The following ZNF8 variants were observed in gnomAD, a reference collection of about 807,000 sequenced individuals.
The protein encoded by ZNF8 is zinc finger protein 8.
In ZNF8, 9 loss-of-function variants were observed where a neutral mutation model predicts 12.2. That is an observed-to-expected ratio of 0.73 (90% confidence interval 0.44 to 1.28). The LOEUF (loss-of-function observed/expected upper bound fraction) is 1.28. Ranked by LOEUF, ZNF8 falls within the 50% of genes most tolerant of loss-of-function variation. The probability of loss-of-function intolerance (pLI) is 0.00; values close to 1 mark genes in which losing one functional copy is unlikely to be tolerated. For synonymous variants in ZNF8, 274 were observed against 282.3 expected (o/e 0.97, Z 0.30); for missense variants, 664 against 729.1 (o/e 0.91, Z 1.03).
Position 58,300,397 on chromosome 19 carries a change from G to A in ZNF8, c.*4861G>A, listed in dbSNP as rs1350095280. The A allele has an allele frequency of 6.6e-6, 1 of 152,278 alleles. No individual in the cohort carries two copies. The highest frequency in any genetic ancestry group is 1.5e-5 in the Non-Finnish European group (1 of 68,068). 9.4% of individuals were successfully genotyped at this position (152,278 alleles called of 1,614,324 possible). A position where few individuals can be genotyped will look rare whatever the true frequency, so the allele number is the denominator to read the frequency against. ...CATCCACAGTGAAGACTGAAAGAAG[G>A]GGGAATGGGCAGGCCAACACTTACC... On this transcript the variant is annotated 3_prime_UTR_variant, in exon 4 of 4. Transcript: ENST00000621650.
chr19:58,279,172 G>T, intron 1 of ZNF8, 25 bp downstream of exon 1: 1 of 1,549,368 alleles, frequency 6.5e-7, no homozygotes, highest in Non-Finnish European at 8.7e-7. Flanking sequence ...AATAACGACG[G>T]CGGCGGGCTC....
intron 1 of ZNF8, chr19:58,279,454 C>T: frequency 6.9e-7 from 1 of 1,453,460 alleles, no homozygotes; most frequent in Non-Finnish European, 9.0e-7. Flanking sequence ...TCCGCCCCGC[C>T]GACACCCTTG....
intron 3 of ZNF8, chr19:58,286,812 T>C (rs1426850926): frequency 6.6e-6 from 1 of 152,448 alleles, no homozygotes; most frequent in Admixed American, 6.5e-5. Context: ...CAGTGCTCCA[T>C]AGCCTTCTCA....
chr19:58,290,108 C>A (rs1430171368), intron 3 of ZNF8, among the ~76,000 whole-genome samples: 2 of 73,432 alleles, frequency 2.7e-5, no homozygotes, highest in African/African-American at 5.8e-5. Flanking sequence ...TTTCAAGATT[C>A]TTTTTTTTTT....
chr19:58,279,191 C>T (rs1455189034), intron 1 of ZNF8, 44 bp downstream of exon 1: 2 of 1,542,130 alleles, frequency 1.3e-6, no homozygotes, highest in Non-Finnish European at 8.7e-7. Flanking sequence ...TCCGGGCAAG[C>T]GTCTCCCGCG....
intron 3 of ZNF8, among the ~76,000 whole-genome samples, chr19:58,289,703 T>TA: frequency 6.6e-6 from 1 of 152,082 alleles, no homozygotes; most frequent in East Asian, 1.9e-4. Flanking sequence ...CCATTTCCAT[T>TA]ATCACAACCG....
chr19:58,292,728 C>A (rs1372853894), intron 3 of ZNF8, among the ~76,000 whole-genome samples: 5 of 152,178 alleles, frequency 3.3e-5, no homozygotes, highest in Non-Finnish European at 5.9e-5. Flanking sequence ...TCCGGCTTAT[C>A]CATGTTGTAG....
At chr19:58,283,412 T>A (rs2051362429) in intron 1 of ZNF8, among the ~76,000 whole-genome samples, 1 of 152,068 alleles carries the variant, frequency 6.6e-6, no homozygotes, top group African/African-American at 2.4e-5. Context: ...TAGATAAGGT[T>A]ATCAGGATTG....
intron 3 of ZNF8, among the ~76,000 whole-genome samples, chr19:58,287,026 T>C (rs1464065777): frequency 2.6e-5 from 4 of 152,268 alleles, no homozygotes; most frequent in Admixed American, 2.6e-4. Flanking sequence ...CATTCTTGCA[T>C]GTCCAGATTC....
chr19:58,284,318 T>C (rs573756852), intron 1 of ZNF8, among the ~76,000 whole-genome samples: 2 of 152,336 alleles, frequency 1.3e-5, no homozygotes, highest in South Asian at 2.1e-4. Flanking sequence ...CTCTTTTCCA[T>C]GTGGCTATCC....
At chr19:58,292,140 C>G (rs1352443158) in intron 3 of ZNF8, among the ~76,000 whole-genome samples, 1 of 152,134 alleles carries the variant, frequency 6.6e-6, no homozygotes, top group Non-Finnish European at 1.5e-5. Context: ...TAAAATGTAC[C>G]ACTCAGCGGT....
rs1166046916 is a variant in ZNF8 at position 58,299,718 on chromosome 19, G to A, written c.*4182G>A. On this transcript the variant is annotated 3_prime_UTR_variant, in exon 4 of 4. Transcript: ENST00000621650. Reference sequence around the variant, plus strand: ...TGGGAGGCAGAGCTTGCAGTGAGCTGAGATAGTGCCTCTGCACTCCAGCCT... The same window carrying A: ...TGGGAGGCAGAGCTTGCAGTGAGCTAAGATAGTGCCTCTGCACTCCAGCCT... The A allele has an allele frequency of 6.6e-6, 1 of 152,078 alleles. No homozygotes were observed. Among genetic ancestry groups the A allele is most frequent in the African/African-American group, 2.4e-5 (1 of 41,408 alleles). 9.4% of individuals were successfully genotyped at this position (152,078 alleles called of 1,614,324 possible). A position where few individuals can be genotyped will look rare whatever the true frequency, so the allele number is the denominator to read the frequency against.
At chr19:58,284,176 A>G (rs894280334) in intron 1 of ZNF8, among the ~76,000 whole-genome samples, 1 of 151,922 alleles carries the variant, frequency 6.6e-6, no homozygotes, top group African/African-American at 2.4e-5. Context: ...GTGAGCCAAG[A>G]TTGTGCCACT....
intron 3 of ZNF8, chr19:58,286,641 A>G (rs963261745): frequency 1.2e-5 from 2 of 160,712 alleles, no homozygotes; most frequent in African/African-American, 2.4e-5. Flanking sequence ...AATAAACCAC[A>G]TAGTGTGTGC....
chr19:58,293,993 A>T, intron 3 of ZNF8, 105 bp from the exon 4 acceptor site: 3 of 1,062,390 alleles, frequency 2.8e-6, no homozygotes, highest in Non-Finnish European at 4.1e-6. Context: ...TTGCCAGGGC[A>T]GCTGGTTAGG....
At chr19:58,279,168 G>A in intron 1 of ZNF8, 21 bp downstream of exon 1, 4 of 1,550,816 alleles carry the variant, frequency 2.6e-6, no homozygotes, top group Non-Finnish European at 3.5e-6. Flanking sequence ...CAACAATAAC[G>A]ACGGCGGCGG....
At chr19:58,287,430 ACAAAT>A (rs2147956582) in intron 3 of ZNF8, among the ~76,000 whole-genome samples, 1 of 146,958 alleles carries the variant, frequency 6.8e-6, no homozygotes, top group Admixed American at 7.1e-5. Flanking sequence ...CCTTCCTGTC[ACAAAT>A]GATCCTCCTG....
rs948190291 is a variant in ZNF8 at position 58,300,712 on chromosome 19, C to T, written c.*5176C>T. On this transcript the variant is annotated 3_prime_UTR_variant, in exon 4 of 4. Coordinates refer to ENST00000621650, the MANE Select transcript of ZNF8 (RefSeq NM_021089.3). Reference sequence around the variant, plus strand: ...TGATGGAGGCAGCTAGCCGTATCTGCTGCTTTTCTCCTTCAAGCTCTTGGG... The same window carrying T: ...TGATGGAGGCAGCTAGCCGTATCTGTTGCTTTTCTCCTTCAAGCTCTTGGG... 6 of 152,192 alleles carry T rather than the reference C, an allele frequency of 3.9e-5. No individual in the cohort carries two copies. Among genetic ancestry groups the T allele is most frequent in the Admixed American group, 6.6e-5 (1 of 15,266 alleles). The allele number at this position is 152,192 out of a possible 1,614,324, so 9.4% of individuals were successfully genotyped here. A position where few individuals can be genotyped will look rare whatever the true frequency, so the allele number is the denominator to read the frequency against.
intron 1 of ZNF8, chr19:58,279,386 C>A: frequency 6.9e-7 from 1 of 1,451,110 alleles, no homozygotes; most frequent in Non-Finnish European, 9.1e-7. Context: ...CTGTCCTCCC[C>A]AGGGCTGGGG....
Sources: allele counts gnomAD v4.1 joint callset (sites outside exome capture counted in the v4.1 genomes callset), GRCh38; gene constraint gnomAD v4.1.1; transcripts MANE v1.5; gene names NCBI Gene and HGNC (gene_info 2026-07-23, HGNC 2026-07-21).